EPB41L4A: variants seen among roughly 807,000 people sequenced by gnomAD.
The protein encoded by EPB41L4A is erythrocyte membrane protein band 4.1 like 4A.
A neutral mutation model predicts 108.6 loss-of-function variants in EPB41L4A; 100 were observed. That is an observed-to-expected ratio of 0.92 (90% CI 0.78 to 1.09). EPB41L4A has a LOEUF of 1.09. Among genes scored for constraint, EPB41L4A ranks in the 50% least tolerant of loss-of-function variants. The probability of loss-of-function intolerance (pLI) is 0.00; values close to 1 mark genes in which losing one functional copy is unlikely to be tolerated. For synonymous variants in EPB41L4A, 319 were observed against 289.0 expected, an observed-to-expected ratio of 1.10 and a Z score of -1.05; for missense variants, 1,030 against 842.7, an observed-to-expected ratio of 1.22 and a Z score of -2.75.
chr5:112,175,175 C>A (rs1760799286), intron 18 of EPB41L4A: 1 of 152,236 alleles, frequency 6.6e-6, no homozygotes, highest in African/African-American at 2.4e-5. Context: ...GATATTATCA[C>A]CACCAGAGGG....
intron 4 of EPB41L4A, among the ~76,000 whole-genome samples, chr5:112,271,906 T>C (rs915048474): frequency 1.3e-5 from 2 of 152,178 alleles, no homozygotes; most frequent in African/African-American, 4.8e-5. Flanking sequence ...GTTCAGAATA[T>C]ACGACCTGAA....
chr5:112,232,191 G>C (rs1481030963), intron 12 of EPB41L4A, among the ~76,000 whole-genome samples: 1 of 151,810 alleles, frequency 6.6e-6, no homozygotes, highest in Non-Finnish European at 1.5e-5. Flanking sequence ...AAAAGGCTGG[G>C]CTGTGCATTA....
At chr5:112,374,978 G>C (rs1380434286) in intron 1 of EPB41L4A, among the ~76,000 whole-genome samples, 1 of 152,160 alleles carries the variant, frequency 6.6e-6, no homozygotes, top group Non-Finnish European at 1.5e-5. Flanking sequence ...CAGAGCAGCA[G>C]CTCTGAACTC....
intron 1 of EPB41L4A, among the ~76,000 whole-genome samples, chr5:112,387,194 G>C (rs1157615777): frequency 6.6e-6 from 1 of 152,216 alleles, no homozygotes; most frequent in Non-Finnish European, 1.5e-5. Flanking sequence ...CTTCAGCCAG[G>C]ATGTAAGGCA....
intron 12 of EPB41L4A, among the ~76,000 whole-genome samples, chr5:112,147,146 T>G (rs1759288875): frequency 6.7e-6 from 1 of 149,696 alleles, no homozygotes; most frequent in Non-Finnish European, 1.5e-5. Context: ...TGTAGTAACA[T>G]CAGACCCAGG....
chr5:112,270,784 G>C (rs1218648127), intron 4 of EPB41L4A, among the ~76,000 whole-genome samples: 2 of 152,080 alleles, frequency 1.3e-5, no homozygotes, highest in Admixed American at 6.6e-5. Flanking sequence ...TCTTCACCAA[G>C]GGAAGATTCT....
At chr5:112,282,785 T>G (rs1343177519) in intron 2 of EPB41L4A, among the ~76,000 whole-genome samples, 1 of 152,236 alleles carries the variant, frequency 6.6e-6, no homozygotes, top group African/African-American at 2.4e-5. Context: ...CTTATTACTG[T>G]CTGTCTAATC....
At chr5:112,339,504 A>C (rs1245836896) in intron 1 of EPB41L4A, among the ~76,000 whole-genome samples, 651 of 39,808 alleles carry the variant, frequency 0.016, 11 homozygotes, top group African/African-American at 0.06. Context: ...ATCTATATAT[A>C]TATATAGATA....
At chr5:112,400,136 G>A (rs528604941) in intron 1 of EPB41L4A, among the ~76,000 whole-genome samples, 3 of 152,166 alleles carry the variant, frequency 2.0e-5, no homozygotes, top group Admixed American at 1.3e-4. Context: ...GATCATGGCC[G>A]AAGGTGAAGG....
At chr5:112,147,130 T>C (rs986979836) in intron 12 of EPB41L4A, among the ~76,000 whole-genome samples, 1 of 151,780 alleles carries the variant, frequency 6.6e-6, no homozygotes, top group Non-Finnish European at 1.5e-5. Flanking sequence ...CTGGTGGTTT[T>C]CTACATGTAG....
At chr5:112,187,134 A>G (rs182453895) in intron 17 of EPB41L4A, among the ~76,000 whole-genome samples, 33 of 152,142 alleles carry the variant, frequency 2.2e-4, no homozygotes, top group Non-Finnish European at 3.5e-4. Context: ...GTGCTCTTAC[A>G]TCATAGTCAT....
chr5:112,366,052 A>T (rs189201980), intron 1 of EPB41L4A, among the ~76,000 whole-genome samples: 2 of 152,294 alleles, frequency 1.3e-5, no homozygotes, highest in East Asian at 3.9e-4. Context: ...ATAGAAAACT[A>T]AACTTAGCAG....
intron 3 of EPB41L4A, among the ~76,000 whole-genome samples, chr5:112,277,645 A>G (rs1464766): frequency 0.59 from 90,145 of 152,068 alleles, 27,644 homozygotes; most frequent in South Asian, 0.75. Context: ...AGGGCTCAGC[A>G]CTTTGGGGTG....
At chr5:112,168,860 A>C in intron 21 of EPB41L4A, 40 bp from the exon 22 acceptor site, 1 of 1,548,014 alleles carries the variant, frequency 6.5e-7, no homozygotes, top group Non-Finnish European at 8.9e-7. Flanking sequence ...CTGGAACAGT[A>C]TCTAGAATCA....
chr5:112,419,448 A>G (rs115511297), upstream of EPB41L4A: 11,506 of 358,974 alleles, frequency 0.032, 240 homozygotes, highest in Non-Finnish European at 0.047. Context: ...CCGGCCTTGG[A>G]AAACCCTGGA....
intron 2 of EPB41L4A, among the ~76,000 whole-genome samples, chr5:112,295,029 C>G (rs1028636654): frequency 1.3e-5 from 2 of 152,222 alleles, no homozygotes; most frequent in Non-Finnish European, 2.9e-5. Context: ...CCAAGCTCAT[C>G]TGGCACTGAA....
intron 1 of EPB41L4A, among the ~76,000 whole-genome samples, chr5:112,332,966 C>T (rs1489488849): frequency 6.6e-6 from 1 of 152,124 alleles, no homozygotes; most frequent in African/African-American, 2.4e-5. Context: ...TCACACACAG[C>T]ATGTGGTATG....
chr5:112,266,575 A>G (rs1278818412), intron 4 of EPB41L4A, among the ~76,000 whole-genome samples: 1 of 152,222 alleles, frequency 6.6e-6, no homozygotes, highest in Non-Finnish European at 1.5e-5. Context: ...TCCCAGCCCC[A>G]GCATTCAGTA....
intron 1 of EPB41L4A, among the ~76,000 whole-genome samples, chr5:112,413,886 G>C (rs542161123): frequency 6.6e-6 from 1 of 152,288 alleles, no homozygotes; most frequent in Non-Finnish European, 1.5e-5. Context: ...GTCAAACAAT[G>C]AAGCTTGGAC....
Sources: allele counts gnomAD v4.1 joint callset (sites outside exome capture counted in the v4.1 genomes callset), GRCh38; gene constraint gnomAD v4.1.1; transcripts MANE v1.5; gene names NCBI Gene and HGNC (gene_info 2026-07-23, HGNC 2026-07-21).